The following FHIT variants were observed in gnomAD, a reference collection of about 807,000 sequenced individuals.
FHIT encodes fragile histidine triad diadenosine triphosphatase, also known as bis(5'-adenosyl)-triphosphatase.
A neutral mutation model predicts 17.9 loss-of-function variants in FHIT; 19 were observed. The ratio of observed to expected loss-of-function variants is 1.06; its 90% confidence interval spans 0.74 to 1.56. The LOEUF (loss-of-function observed/expected upper bound fraction) is 1.56. Among genes scored for constraint, FHIT ranks in the 40% most tolerant of loss-of-function variants. The pLI, the probability that FHIT is intolerant of heterozygous loss-of-function variation, is 0.00. For synonymous variants in FHIT, 81 were observed against 69.7 expected (o/e 1.16, Z -0.81); for missense variants, 248 against 189.2 (o/e 1.31, Z -1.82).
rs374620819 is a variant in FHIT at position 60,774,971 on chromosome 3, T to A, written c.-18+46948A>T. 1.7e-3 allele frequency among the ~76,000 whole-genome samples: 254 copies of A among 152,342 alleles called. 6 individuals are homozygous for A. The South Asian group carries it at 0.038, about 23-fold the overall frequency. ...AGTTGACCACAGGTAACTAAAACTTTGAAACAGCAGATAATGGGGAACTAC... is the reference window on the plus strand; with the variant it reads ...AGTTGACCACAGGTAACTAAAACTTAGAAACAGCAGATAATGGGGAACTAC... On this transcript the variant is annotated intron_variant, in intron 4 of 9. Coordinates refer to ENST00000492590, the MANE Select transcript of FHIT (RefSeq NM_002012.4).
chr3:61,190,398 G>T (rs1211766028), intron 2 of FHIT, among the ~76,000 whole-genome samples: 7 of 152,176 alleles, frequency 4.6e-5, no homozygotes, highest in East Asian at 1.9e-4. Flanking sequence ...CTCACACCAG[G>T]TAGCATGGCG....
intron 5 of FHIT, among the ~76,000 whole-genome samples, chr3:60,307,065 A>G (rs1309311054): frequency 1.3e-5 from 2 of 152,128 alleles, no homozygotes; most frequent in African/African-American, 4.8e-5. Context: ...TGACATGACT[A>G]TCTCTTTCTT....
chr3:60,991,749 G>A (rs2030239952), intron 3 of FHIT, among the ~76,000 whole-genome samples: 1 of 152,072 alleles, frequency 6.6e-6, no homozygotes, highest in Non-Finnish European at 1.5e-5. Context: ...ACATAATACA[G>A]AGTAGTGTTA....
chr3:60,686,797 T>C (rs2040871360), intron 4 of FHIT, among the ~76,000 whole-genome samples: 1 of 152,190 alleles, frequency 6.6e-6, no homozygotes, highest in Non-Finnish European at 1.5e-5. Flanking sequence ...AAGACTGAGC[T>C]TCCTACAGGA....
At chr3:61,135,894 C>CA (rs1034717880) in intron 2 of FHIT, among the ~76,000 whole-genome samples, 12 of 151,630 alleles carry the variant, frequency 7.9e-5, no homozygotes, top group South Asian at 4.2e-4. Flanking sequence ...TAGTTGAAGT[C>CA]AAAAAAAGCA....
Position 60,726,181 on chromosome 3 carries a change from G to T in FHIT, c.-18+95738C>A, listed in dbSNP as rs28576434. On this transcript the variant is annotated intron_variant, in intron 4 of 9. Coordinates refer to ENST00000492590, the MANE Select transcript of FHIT (RefSeq NM_002012.4). ...GGTCTCCCCTTCTAACTCAACAAAGGGTAGGAAATCTTATCACTCAAGATA... is the reference window on the plus strand; with the variant it reads ...GGTCTCCCCTTCTAACTCAACAAAGTGTAGGAAATCTTATCACTCAAGATA... Among the ~76,000 whole-genome samples, 137 of 152,104 alleles carry T rather than the reference G, an allele frequency of 9.0e-4. 1 individual carries two copies. Among genetic ancestry groups the T allele is most frequent in the African/African-American group, 3.1e-3 (128 of 41,490 alleles).
At chr3:60,048,589 G>A (rs1701749548) in intron 5 of FHIT, among the ~76,000 whole-genome samples, 1 of 152,198 alleles carries the variant, frequency 6.6e-6, no homozygotes, top group African/African-American at 2.4e-5. Context: ...CATAACAGCA[G>A]GTGTGTTAAC....
At chr3:60,327,841 C>T (rs1049846363) in intron 5 of FHIT, among the ~76,000 whole-genome samples, 5 of 152,032 alleles carry the variant, frequency 3.3e-5, no homozygotes, top group African/African-American at 1.2e-4. Context: ...TGAAGAGACT[C>T]TAATAAAAGG....
chr3:60,966,936 A>T (rs1006047923), intron 3 of FHIT, among the ~76,000 whole-genome samples: 1 of 152,156 alleles, frequency 6.6e-6, no homozygotes, highest in East Asian at 1.9e-4. Context: ...AGTTAGAGAG[A>T]ATTATCTCAG....
At chr3:59,874,861 T>C (rs80034884) in intron 8 of FHIT, among the ~76,000 whole-genome samples, 1,864 of 152,272 alleles carry the variant, frequency 0.012, 21 homozygotes, top group South Asian at 0.021. Flanking sequence ...CCCTTTCAGT[T>C]CATCAGCTGC....
intron 5 of FHIT, among the ~76,000 whole-genome samples, chr3:60,385,984 T>G (rs533381423): frequency 6.6e-6 from 1 of 152,178 alleles, no homozygotes; most frequent in Non-Finnish European, 1.5e-5. Context: ...AATAACGAAC[T>G]CTTTAGAGCT....
intron 7 of FHIT, among the ~76,000 whole-genome samples, chr3:60,001,526 G>C (rs1452957240): frequency 6.6e-6 from 1 of 152,116 alleles, no homozygotes; most frequent in Non-Finnish European, 1.5e-5. Flanking sequence ...AGACTACTTT[G>C]GTAGTGAGGA....
chr3:60,299,737 T>C (rs1017643313), intron 5 of FHIT, among the ~76,000 whole-genome samples: 2 of 152,096 alleles, frequency 1.3e-5, no homozygotes, highest in African/African-American at 4.8e-5. Flanking sequence ...TCTACTTGGC[T>C]TTCTGTAATA....
intron 4 of FHIT, among the ~76,000 whole-genome samples, chr3:60,625,103 T>A (rs1290160833): frequency 6.6e-6 from 1 of 152,148 alleles, no homozygotes; most frequent in Admixed American, 6.5e-5. Flanking sequence ...GAGGTGAGGT[T>A]TCACCATGTT....
chr3:60,002,176 T>G (rs1472666757), intron 7 of FHIT, among the ~76,000 whole-genome samples: 1 of 152,182 alleles, frequency 6.6e-6, no homozygotes, highest in Non-Finnish European at 1.5e-5. Context: ...CAGGAAGACT[T>G]GTTTAAAAGA....
intron 5 of FHIT, among the ~76,000 whole-genome samples, chr3:60,180,142 G>A (rs566835206): frequency 1.4e-4 from 22 of 152,252 alleles, no homozygotes; most frequent in Middle Eastern, 6.8e-3. Context: ...ACAAAGACTT[G>A]ACAAAAAGCA....
intron 5 of FHIT, among the ~76,000 whole-genome samples, chr3:60,389,774 ATTC>A (rs1376805808): frequency 1.1e-4 from 17 of 152,278 alleles, no homozygotes; most frequent in African/African-American, 3.6e-4. Context: ...TTTATTATTT[ATTC>A]TTGAGTCTAC....
intron 8 of FHIT, among the ~76,000 whole-genome samples, chr3:59,864,692 C>T (rs1702557801): frequency 6.6e-6 from 1 of 151,726 alleles, no homozygotes; most frequent in Non-Finnish European, 1.5e-5. Context: ...GTCATACCCT[C>T]ATGCATGCAT....
intron 3 of FHIT, among the ~76,000 whole-genome samples, chr3:60,961,003 G>T (rs550852891): frequency 6.6e-6 from 1 of 152,142 alleles, no homozygotes; most frequent in Non-Finnish European, 1.5e-5. Context: ...TTGAAGAATC[G>T]CCACACTGTC....
Sources: gnomAD v4.1 joint callset for allele counts (sites outside exome capture counted in the v4.1 genomes callset) on GRCh38, gnomAD v4.1.1 for gene constraint, MANE v1.5 for transcripts, NCBI Gene and HGNC (gene_info 2026-07-23, HGNC 2026-07-21) for gene names.